TANC2: variants seen among roughly 807,000 people sequenced by gnomAD.
TANC2 encodes tetratricopeptide repeat, ankyrin repeat and coiled-coil containing 2, also known as protein TANC2.
A neutral mutation model predicts 210.5 loss-of-function variants in TANC2; 26 were observed. That is an observed-to-expected ratio of 0.12 (90% CI 0.09 to 0.17). The LOEUF is 0.17. Ranked by LOEUF, TANC2 falls within the 10% of genes least tolerant of loss-of-function variation. The pLI, the probability that TANC2 is intolerant of heterozygous loss-of-function variation, is 1.00. For synonymous variants in TANC2, 931 were observed against 967.1 expected (o/e 0.96, Z 0.69); for missense variants, 2,129 against 2,608.9 (o/e 0.82, Z 4.01).
At chr17:63,206,322 C>T (rs1169188670) in intron 7 of TANC2, among the ~76,000 whole-genome samples, 4 of 152,070 alleles carry the variant, frequency 2.6e-5, no homozygotes, top group Non-Finnish European at 4.4e-5. Context: ...CATAGAATTG[C>T]CATATGATCC....
chr17:63,194,184 CTTA>C (rs764080208), intron 6 of TANC2, 45 bp downstream of exon 6: 17 of 1,569,398 alleles, frequency 1.1e-5, no homozygotes, highest in South Asian at 9.6e-5. Context: ...TGTGAATCAG[CTTA>C]TTATGCCAGA....
rs2043986927 is a variant in TANC2, at chr17:63,279,212, G to A, written c.1159+11339G>A. ...AGACTCCTGAAAGTGATTGAGAAAT[G>A]TGTAAAGTGAAAAGACTTGAGCAGA... On this transcript the variant is annotated intron_variant, in intron 9 of 27. Transcript: ENST00000689528. 2.0e-5 allele frequency among the ~76,000 whole-genome samples: 3 copies of A among 152,142 alleles called. No individual in the cohort carries two copies. The South Asian group carries it at 6.2e-4, about 31-fold the overall frequency.
intron 5 of TANC2, among the ~76,000 whole-genome samples, chr17:63,184,975 GTT>G (rs796115856): frequency 1.4e-5 from 2 of 141,768 alleles, no homozygotes; most frequent in African/African-American, 2.6e-5. Flanking sequence ...CAGTAATACG[GTT>G]TTTTTTTTTT....
chr17:63,110,601 A>T (rs995947222), intron 4 of TANC2, among the ~76,000 whole-genome samples: 1 of 152,066 alleles, frequency 6.6e-6, no homozygotes, highest in African/African-American at 2.4e-5. Context: ...GGAGGGAGGG[A>T]CATTTCGTCC....
intron 11 of TANC2, among the ~76,000 whole-genome samples, chr17:63,336,639 C>T (rs1481040268): frequency 6.6e-6 from 1 of 152,270 alleles, no homozygotes. Context: ...AACTTACTTG[C>T]TATCTTCCTC....
intron 4 of TANC2, among the ~76,000 whole-genome samples, chr17:63,107,967 T>C (rs964126357): frequency 7.9e-5 from 12 of 151,810 alleles, no homozygotes; most frequent in Non-Finnish European, 1.3e-4. Flanking sequence ...AATAAGGAAG[T>C]TTTTTAAAAA....
At chr17:63,254,394 A>G (rs952457627) in intron 8 of TANC2, among the ~76,000 whole-genome samples, 5 of 152,286 alleles carry the variant, frequency 3.3e-5, no homozygotes, top group African/African-American at 1.2e-4. Context: ...TGGGTTTTTT[A>G]AAATATAAGA....
At chr17:63,403,439 A>G (rs1456665583) in intron 19 of TANC2, among the ~76,000 whole-genome samples, 1 of 151,988 alleles carries the variant, frequency 6.6e-6, no homozygotes, top group Non-Finnish European at 1.5e-5. Flanking sequence ...TTATTAAACT[A>G]CTCTTGTGTT....
At chr17:63,167,426 C>T (rs1385488070) in intron 5 of TANC2, among the ~76,000 whole-genome samples, 1 of 152,088 alleles carries the variant, frequency 6.6e-6, no homozygotes, top group East Asian at 1.9e-4. Context: ...TTAATGGGTA[C>T]ACTACAGTGA....
intron 2 of TANC2, among the ~76,000 whole-genome samples, chr17:63,018,843 A>G (rs538184960): frequency 2.6e-5 from 4 of 152,222 alleles, no homozygotes; most frequent in African/African-American, 7.2e-5. Context: ...TAAATTTTGC[A>G]TAATTCTCAC....
intron 5 of TANC2, among the ~76,000 whole-genome samples, chr17:63,169,260 T>C (rs1466656441): frequency 6.6e-6 from 1 of 152,248 alleles, no homozygotes; most frequent in Non-Finnish European, 1.5e-5. Flanking sequence ...TTCCATTGCC[T>C]ATTACTTATG....
At chr17:63,341,276 A>G (rs990131639) in intron 12 of TANC2, among the ~76,000 whole-genome samples, 1 of 152,134 alleles carries the variant, frequency 6.6e-6, no homozygotes, top group South Asian at 2.1e-4. Context: ...CTCTGTCACT[A>G]CCTTTGCTAC....
At chr17:62,985,162 A>G (rs1439788375) in intron 1 of TANC2, among the ~76,000 whole-genome samples, 1 of 152,120 alleles carries the variant, frequency 6.6e-6, no homozygotes, top group Non-Finnish European at 1.5e-5. Context: ...ATTCTTGACT[A>G]CCAGTTTTCT....
chr17:63,305,456 G>A (rs1363775622), intron 9 of TANC2: 2 of 152,216 alleles, frequency 1.3e-5, no homozygotes, highest in Non-Finnish European at 2.9e-5. Flanking sequence ...GATTCACACA[G>A]TGTTATGGTT....
At chr17:63,158,918 G>C (rs962939916) in intron 5 of TANC2, among the ~76,000 whole-genome samples, 2 of 152,154 alleles carry the variant, frequency 1.3e-5, no homozygotes, top group Non-Finnish European at 2.9e-5. Context: ...GAAGGATTCA[G>C]ATCTTCATGG....
At chr17:63,201,957 A>C (rs2041548756) in intron 7 of TANC2, among the ~76,000 whole-genome samples, 1 of 152,120 alleles carries the variant, frequency 6.6e-6, no homozygotes, top group African/African-American at 2.4e-5. Context: ...ATTTTGAGTG[A>C]TCTTTCTTGA....
At position 63,085,483 on chromosome 17, in the gene TANC2, C is replaced by T. The variant is rs538555802; in HGVS notation, c.139+11469C>T. The stretch of plus-strand genomic sequence containing the variant: ...TCCTTTCTTATATCACTTCTTTTTT[C>T]ACCTTTTTTAGTGGCTGCCTAAAAT... On this transcript the variant is annotated intron_variant, in intron 3 of 27. Coordinates refer to ENST00000689528, the Ensembl canonical transcript of TANC2. 5.9e-5 allele frequency among the ~76,000 whole-genome samples: 9 copies of T among 151,818 alleles called. No individual in the cohort carries two copies. The South Asian group carries it at 1.2e-3, about 21-fold the overall frequency.
chr17:63,295,746 G>T (rs1307300063), intron 9 of TANC2, among the ~76,000 whole-genome samples: 1 of 152,072 alleles, frequency 6.6e-6, no homozygotes, highest in Non-Finnish European at 1.5e-5. Context: ...AATAGAAAAG[G>T]CCTGGATTTT....
intron 1 of TANC2, among the ~76,000 whole-genome samples, chr17:62,995,333 G>A (rs1361031192): frequency 6.6e-6 from 1 of 152,246 alleles, no homozygotes; most frequent in East Asian, 1.9e-4. Context: ...TAAGGATCCA[G>A]AATCGGGTGG....
Sources: gnomAD v4.1 joint callset for allele counts (sites outside exome capture counted in the v4.1 genomes callset) on GRCh38, gnomAD v4.1.1 for gene constraint, MANE v1.5 for transcripts, NCBI Gene and HGNC (gene_info 2026-07-23, HGNC 2026-07-21) for gene names.